The following GPHN variants were observed in gnomAD, a reference collection of about 807,000 sequenced individuals.
GPHN encodes the protein gephyrin.
GPHN carries 17 observed loss-of-function variants against 95.5 expected under a neutral mutation model. The ratio of observed to expected loss-of-function variants is 0.18; its 90% CI spans 0.12 to 0.27. The LOEUF (loss-of-function observed/expected upper bound fraction) is 0.27. GPHN is among the 10% of genes least tolerant of loss of function. The probability of loss-of-function intolerance (pLI) is 1.00; values close to 1 mark genes in which losing one functional copy is unlikely to be tolerated. For synonymous variants in GPHN, 320 were observed against 322.5 expected, an observed-to-expected ratio of 0.99 and a Z score of 0.08; for missense variants, 660 against 978.1, an observed-to-expected ratio of 0.67 and a Z score of 4.34.
chr14:67,448,590 G>A, the GPHN span, among the ~76,000 whole-genome samples: 11 of 152,088 alleles, frequency 7.2e-5, no homozygotes, highest in Non-Finnish European at 1.6e-4. Flanking sequence ...GTTTGGGGAA[G>A]GGGGATGGTT....
chr14:67,446,679 G>A, the GPHN span, among the ~76,000 whole-genome samples: 2 of 152,162 alleles, frequency 1.3e-5, no homozygotes, highest in African/African-American at 2.4e-5. Flanking sequence ...GCAGAGCAGG[G>A]AGGGAGAGCC....
chr14:66,984,436 T>G (rs1479405172), intron 9 of GPHN, among the ~76,000 whole-genome samples: 1 of 152,196 alleles, frequency 6.6e-6, no homozygotes, highest in Non-Finnish European at 1.5e-5. Context: ...GCCATAACAT[T>G]TAGTTAATGC....
the GPHN span, chr14:67,579,391 C>T: frequency 8.6e-7 from 1 of 1,160,284 alleles, no homozygotes; most frequent in South Asian, 1.8e-5. Flanking sequence ...TAGGCTCAGG[C>T]TTGGCAGATT....
intron 1 of GPHN, among the ~76,000 whole-genome samples, chr14:66,587,257 A>G (rs777652871): frequency 6.6e-6 from 1 of 152,226 alleles, no homozygotes; most frequent in Non-Finnish European, 1.5e-5. Context: ...TCTTATGTGA[A>G]AAAGTTCAGG....
At chr14:66,757,673 A>C (rs1373014736) in intron 2 of GPHN, among the ~76,000 whole-genome samples, 1 of 152,222 alleles carries the variant, frequency 6.6e-6, no homozygotes, top group South Asian at 2.1e-4. Flanking sequence ...TACAGGCGTG[A>C]GCCACCACAC....
At chr14:67,247,869 G>A in the GPHN span, among the ~76,000 whole-genome samples, 2 of 152,132 alleles carry the variant, frequency 1.3e-5, no homozygotes, top group Non-Finnish European at 2.9e-5. Flanking sequence ...ATGAGTCACA[G>A]TGCCTGGCTT....
intron 12 of GPHN, among the ~76,000 whole-genome samples, chr14:67,096,423 T>G (rs1423839759): frequency 6.6e-6 from 1 of 152,164 alleles, no homozygotes; most frequent in Non-Finnish European, 1.5e-5. Flanking sequence ...AATATTGATA[T>G]GAGCATTTTG....
the GPHN span, among the ~76,000 whole-genome samples, chr14:67,306,700 C>T: frequency 1.3e-5 from 2 of 152,128 alleles, no homozygotes; most frequent in African/African-American, 2.4e-5. Flanking sequence ...GAATAACTCT[C>T]AATTGCAATA....
At chr14:67,191,024 A>G in the GPHN span, among the ~76,000 whole-genome samples, 1 of 152,224 alleles carries the variant, frequency 6.6e-6, no homozygotes, top group Non-Finnish European at 1.5e-5. Flanking sequence ...ACCTGAGGTC[A>G]GGAGTTCAAG....
At chr14:67,697,437 A>G in the GPHN span, among the ~76,000 whole-genome samples, 14 of 152,240 alleles carry the variant, frequency 9.2e-5, no homozygotes, top group African/African-American at 1.9e-4. Flanking sequence ...CACTAGAGCA[A>G]CAGAAAACCG....
chr14:67,016,324 C>T (rs577921552), intron 9 of GPHN, among the ~76,000 whole-genome samples: 18 of 151,660 alleles, frequency 1.2e-4, no homozygotes, highest in Non-Finnish European at 2.5e-4. Context: ...AAACAAACTG[C>T]AATATAATAA....
chr14:67,699,588 T>C, the GPHN span, among the ~76,000 whole-genome samples: 1 of 46,724 alleles, frequency 2.1e-5, no homozygotes, highest in Non-Finnish European at 3.5e-5. Context: ...AGACCCTATC[T>C]CAAAAAAAAA....
the GPHN span, among the ~76,000 whole-genome samples, chr14:67,399,931 G>A: frequency 6.6e-6 from 1 of 152,154 alleles, no homozygotes; most frequent in South Asian, 2.1e-4. Flanking sequence ...TTCCAAAGCC[G>A]AGCTTAGGGC....
the GPHN span, among the ~76,000 whole-genome samples, chr14:67,415,365 G>C: frequency 2.0e-5 from 3 of 151,990 alleles, no homozygotes; most frequent in Admixed American, 2.0e-4. Context: ...CATGGTGACT[G>C]AATTTAATCA....
At chr14:67,478,479 CTTCT>C in the GPHN span, among the ~76,000 whole-genome samples, 1 of 152,236 alleles carries the variant, frequency 6.6e-6, no homozygotes, top group African/African-American at 2.4e-5. Context: ...TGCCTTCTTC[CTTCT>C]AATTCACTCA....
rs370219778 is a variant in GPHN, at chr14:66,674,103, C to CTT, written c.65-6992_65-6991dup. The stretch of plus-strand genomic sequence containing the variant: ...TAGAGCTTACTCCTATTTTTCTTTT[C>CTT]TTTTTTTTTTTTTGAGATGGAATCT... On this transcript the variant is annotated intron_variant, in intron 1 of 22. Transcript: ENST00000478722. Among the ~76,000 whole-genome samples the CTT allele has an allele frequency of 2.5e-3, 362 of 143,410 alleles. 7 individuals are homozygous for CTT. The East Asian group carries it at 0.049, about 19-fold the overall frequency. The allele number at this position is 143,410 out of a possible 152,430, so 94.1% of individuals were successfully genotyped here. A position where few individuals can be genotyped will look rare whatever the true frequency, so the allele number is the denominator to read the frequency against.
chr14:67,562,183 A>G, the GPHN span: 1 of 1,611,616 alleles, frequency 6.2e-7, no homozygotes, highest in Non-Finnish European at 8.5e-7. Flanking sequence ...CCCCCTACGG[A>G]GCTGCAGAGC....
At chr14:67,364,696 T>C in the GPHN span, 1 of 1,415,604 alleles carries the variant, frequency 7.1e-7, no homozygotes, top group African/African-American at 1.5e-5. Context: ...AGTGGCAGGA[T>C]GTGGAAATTG....
the GPHN span, chr14:67,571,149 A>G: frequency 6.5e-6 from 1 of 152,776 alleles, no homozygotes; most frequent in African/African-American, 2.4e-5. Flanking sequence ...GAATGTTGCC[A>G]TGAACATCAC....
Sources: allele counts gnomAD v4.1 joint callset (sites outside exome capture counted in the v4.1 genomes callset), GRCh38; gene constraint gnomAD v4.1.1; transcripts MANE v1.5; gene names NCBI Gene and HGNC (gene_info 2026-07-23, HGNC 2026-07-21).